RBFOX1: variants seen among roughly 807,000 people sequenced by gnomAD.
RBFOX1 encodes the protein RNA binding protein fox-1 homolog 1.
Under a neutral mutation model 57.7 loss-of-function variants are expected in RBFOX1, and 8 were observed. The observed-to-expected ratio is 0.14, with a 90% confidence interval of 0.08 to 0.25. The LOEUF (loss-of-function observed/expected upper bound fraction) is 0.25. Among genes scored for constraint, RBFOX1 ranks in the 10% least tolerant of loss-of-function variants. The pLI is 1.00. For missense variants in RBFOX1, 611 were observed against 548.5 expected (o/e 1.11, Z -1.14); for synonymous variants, 326 against 222.4 (o/e 1.47, Z -4.15).
At position 6,173,899 on chromosome 16, in the gene RBFOX1, G is replaced by GC. The variant is rs760468044; in HGVS notation, c.-126-143096_-126-143095insC. Among the ~76,000 whole-genome samples the GC allele has an allele frequency of 9.2e-5, 14 of 151,568 alleles. No individual in the cohort carries two copies. The East Asian group carries it at 2.1e-3, about 23-fold the overall frequency. ...TGCTGTTTTGTTTGTTTGTTTGTTT[G>GC]TTTTTTTTACTAATTATGAGTCAGA... On this transcript the variant is annotated intron_variant, in intron 1 of 15. Transcript: ENST00000550418.
chr16:7,143,171 A>G (rs1396213120), intron 4 of RBFOX1, among the ~76,000 whole-genome samples: 1 of 152,078 alleles, frequency 6.6e-6, no homozygotes, highest in East Asian at 1.9e-4. Flanking sequence ...GGTGTAAGTG[A>G]GCATAAAAGC....
intron 3 of RBFOX1, among the ~76,000 whole-genome samples, chr16:6,927,878 T>C (rs113648255): frequency 0.076 from 11,555 of 152,244 alleles, 573 homozygotes; most frequent in Middle Eastern, 0.14. Context: ...TGTGTACATA[T>C]ACTAATAGCA....
At chr16:5,462,797 T>G (rs1406578198) in intron 1 of RBFOX1, among the ~76,000 whole-genome samples, 1 of 152,064 alleles carries the variant, frequency 6.6e-6, no homozygotes, top group Non-Finnish European at 1.5e-5. Context: ...GTTGTTATAA[T>G]TGGAGGAGGC....
chr16:5,929,401 G>T (rs1186746162), intron 4 of RBFOX1, among the ~76,000 whole-genome samples: 1 of 152,136 alleles, frequency 6.6e-6, no homozygotes, highest in Non-Finnish European at 1.5e-5. Context: ...TCTGGAAAGA[G>T]AATTGGGTTC....
At position 5,627,338 on chromosome 16, in the gene RBFOX1, G is replaced by C. The variant is rs114024118; in HGVS notation, c.318+28377G>C. Among the ~76,000 whole-genome samples the C allele has an allele frequency of 4.4e-3, 673 of 152,220 alleles. 4 individuals carry two copies. The highest frequency in any genetic ancestry group is 0.014 in the African/African-American group (584 of 41,538). ...AGAACAAAAGGTAATGAATGAAACA[G>C]TCTGGTAGAATTGTAAAACAGAAAC... On this transcript the variant is annotated intron_variant, in intron 3 of 19. Coordinates refer to the RBFOX1 transcript ENST00000641259.
At chr16:7,418,995 C>T (rs1205560516) in intron 4 of RBFOX1, among the ~76,000 whole-genome samples, 3 of 152,122 alleles carry the variant, frequency 2.0e-5, no homozygotes, top group Non-Finnish European at 4.4e-5. Context: ...CCCTTGACCT[C>T]CCGGGCTCAT....
intron 2 of RBFOX1, among the ~76,000 whole-genome samples, chr16:6,522,466 A>G (rs1315255814): frequency 6.6e-6 from 1 of 152,162 alleles, no homozygotes; most frequent in Non-Finnish European, 1.5e-5. Flanking sequence ...GAAGACATCA[A>G]CTTCAGTCAA....
At chr16:6,277,970 C>T (rs1346345140) in intron 1 of RBFOX1, among the ~76,000 whole-genome samples, 1 of 152,114 alleles carries the variant, frequency 6.6e-6, no homozygotes, top group Non-Finnish European at 1.5e-5. Context: ...TCCAAGTAAT[C>T]ATTGGGTAGG....
intron 4 of RBFOX1, among the ~76,000 whole-genome samples, chr16:5,885,888 A>T (rs189573795): frequency 2.6e-5 from 4 of 151,942 alleles, no homozygotes; most frequent in Non-Finnish European, 5.9e-5. Flanking sequence ...ACCCCACCCA[A>T]ATCTCGTGTT....
intron 2 of RBFOX1, among the ~76,000 whole-genome samples, chr16:6,581,470 C>G (rs958124041): frequency 6.6e-6 from 1 of 152,190 alleles, no homozygotes; most frequent in African/African-American, 2.4e-5. Flanking sequence ...GGGAAACAAG[C>G]CTTGCTCTTT....
intron 3 of RBFOX1, among the ~76,000 whole-genome samples, chr16:6,979,264 A>G (rs1193978979): frequency 6.6e-6 from 1 of 152,156 alleles, no homozygotes; most frequent in South Asian, 2.1e-4. Flanking sequence ...AAATAGTAAA[A>G]ACCTTAGAGG....
At chr16:7,154,077 A>G (rs2076614518) in intron 4 of RBFOX1, among the ~76,000 whole-genome samples, 1 of 152,220 alleles carries the variant, frequency 6.6e-6, no homozygotes, top group Non-Finnish European at 1.5e-5. Flanking sequence ...ATAATGGGCT[A>G]GAACTTACAG....
At chr16:5,518,759 A>T (rs2043896845) in intron 2 of RBFOX1, among the ~76,000 whole-genome samples, 1 of 152,112 alleles carries the variant, frequency 6.6e-6, no homozygotes, top group South Asian at 2.1e-4. Flanking sequence ...TGCATGAGGC[A>T]CAAACGTATT....
intron 1 of RBFOX1, among the ~76,000 whole-genome samples, chr16:6,047,424 G>C (rs1019492685): frequency 1.3e-5 from 2 of 152,204 alleles, no homozygotes; most frequent in African/African-American, 4.8e-5. Flanking sequence ...TCTCTGAAAA[G>C]CTCATCCCTT....
chr16:6,969,345 G>T (rs1273378123), intron 3 of RBFOX1, among the ~76,000 whole-genome samples: 3 of 152,140 alleles, frequency 2.0e-5, no homozygotes, highest in African/African-American at 7.2e-5. Context: ...GGGAGGCAGT[G>T]TCATGCAGTG....
At chr16:7,062,657 T>G (rs1259897277) in intron 4 of RBFOX1, among the ~76,000 whole-genome samples, 1 of 152,164 alleles carries the variant, frequency 6.6e-6, no homozygotes, top group African/African-American at 2.4e-5. Flanking sequence ...ACAGTTGAAT[T>G]CTTTCTCCTG....
intron 3 of RBFOX1, among the ~76,000 whole-genome samples, chr16:7,046,572 C>G (rs1019996857): frequency 1.0e-4 from 15 of 148,440 alleles, no homozygotes; most frequent in Non-Finnish European, 1.8e-4. Flanking sequence ...ACCACGTATG[C>G]CTCTTTGTTT....
intron 3 of RBFOX1, among the ~76,000 whole-genome samples, chr16:5,819,290 G>C (rs1337607299): frequency 2.0e-5 from 3 of 152,086 alleles, no homozygotes; most frequent in Non-Finnish European, 4.4e-5. Context: ...CTTTTATAAG[G>C]GCCCTAATCC....
intron 3 of RBFOX1, among the ~76,000 whole-genome samples, chr16:6,832,710 T>C (rs1450466359): frequency 6.6e-6 from 1 of 152,228 alleles, no homozygotes; most frequent in African/African-American, 2.4e-5. Context: ...TTGCCCTTTT[T>C]CCATTACTGG....
Sources: allele counts gnomAD v4.1 joint callset (sites outside exome capture counted in the v4.1 genomes callset), GRCh38; gene constraint gnomAD v4.1.1; transcripts MANE v1.5; gene names NCBI Gene and HGNC (gene_info 2026-07-23, HGNC 2026-07-21).